PRKAG2: variants seen among roughly 807,000 people sequenced by gnomAD.
PRKAG2 encodes protein kinase AMP-activated non-catalytic subunit gamma 2.
A neutral mutation model predicts 69.6 loss-of-function variants in PRKAG2; 26 were observed. That is an observed-to-expected ratio of 0.37 (90% CI 0.27 to 0.52). The LOEUF is 0.52. PRKAG2 is among the 20% of genes least tolerant of loss of function. PRKAG2 has a pLI of 0.90. For missense variants in PRKAG2, 557 were observed against 740.0 expected, an observed-to-expected ratio of 0.75 and a Z score of 2.87; for synonymous variants, 293 against 285.0, an observed-to-expected ratio of 1.03 and a Z score of -0.28.
chr7:151,624,825 T>C (rs1012475937), intron 5 of PRKAG2, among the ~76,000 whole-genome samples: 2 of 152,160 alleles, frequency 1.3e-5, no homozygotes, highest in Non-Finnish European at 2.9e-5. Flanking sequence ...TAGCGCACCA[T>C]CAACATGGCA....
intron 3 of PRKAG2, among the ~76,000 whole-genome samples, chr7:151,690,216 G>T (rs540678611): frequency 6.6e-6 from 1 of 152,352 alleles, no homozygotes; most frequent in South Asian, 2.1e-4. Flanking sequence ...CATCCCGAGG[G>T]AGGTGGGAAA....
intron 5 of PRKAG2, among the ~76,000 whole-genome samples, chr7:151,621,693 C>T (rs1205615985): frequency 6.6e-6 from 1 of 152,128 alleles, no homozygotes; most frequent in Non-Finnish European, 1.5e-5. Flanking sequence ...CTATCTCAGC[C>T]TCCCAAGTAG....
chr7:151,607,749 G>A (rs79456594), intron 5 of PRKAG2, among the ~76,000 whole-genome samples: 1 of 152,112 alleles, frequency 6.6e-6, no homozygotes, highest in African/African-American at 2.4e-5. Context: ...TTTTGAGAAT[G>A]CGTTCCTCAT....
intron 1 of PRKAG2, among the ~76,000 whole-genome samples, chr7:151,853,630 G>A (rs921170780): frequency 2.0e-4 from 31 of 151,898 alleles, no homozygotes; most frequent in African/African-American, 7.3e-4. Flanking sequence ...CGTGGTGGCG[G>A]GTGCCTGTAG....
chr7:151,632,089 T>C lies in PRKAG2; in HGVS notation c.734A>G (p.Lys245Arg), dbSNP rs1056508937. ...LGPAEAGMLE[K>R]LEFEDEAVED... Reference sequence around the variant, plus strand: ...CTCACCTTCGTCCTCGAACTCCAGCTTCTCCAGCATGCCGGCTTCCGCGGG... The same window carrying C: ...CTCACCTTCGTCCTCGAACTCCAGCCTCTCCAGCATGCCGGCTTCCGCGGG... The change falls in exon 5 of 16, where the codon AAG becomes AGG. Residue 245 changes from lysine (K) to arginine (R), a missense_variant. Coordinates refer to ENST00000287878, the MANE Select transcript of PRKAG2 (RefSeq NM_016203.4). The surrounding 1 kb of genome is among the most constrained non-coding windows in gnomAD (Gnocchi z 4.2). The C allele has an allele frequency of 1.4e-6, 2 of 1,415,190 alleles. No homozygotes were observed. Among genetic ancestry groups the C allele is most frequent in the Non-Finnish European group, 1.9e-6 (2 of 1,070,430 alleles). The allele number at this position is 1,415,190 out of a possible 1,614,324, so 87.7% of individuals were successfully genotyped here.
In PRKAG2 at chr7:151,756,757, C is replaced by T. The variant is rs1472062396; in HGVS notation, c.466+24395G>A. Among the ~76,000 whole-genome samples the T allele has an allele frequency of 1.3e-5, 2 of 152,080 alleles. No homozygotes were observed. Among genetic ancestry groups the T allele is most frequent in the East Asian group, 3.9e-4 (2 of 5,188 alleles). On this transcript the variant is annotated intron_variant, in intron 3 of 15. Coordinates refer to ENST00000287878, the MANE Select transcript of PRKAG2 (RefSeq NM_016203.4). This position sits in a 1 kb window ranked among gnomAD's most constrained non-coding sequence, Gnocchi z 4.9. ...TTCCTTACTCATCGGTGGGTCGCTT[C>T]CCAAACTCTAGTCTGGCGTCTCAGC...
chr7:151,731,787 G>T (rs563775219), intron 3 of PRKAG2, among the ~76,000 whole-genome samples: 47 of 152,242 alleles, frequency 3.1e-4, no homozygotes, highest in African/African-American at 1.1e-3. Context: ...CAATGACAGG[G>T]ATTTCATGAC....
In PRKAG2 at chr7:151,836,860, A is replaced by C. The variant is rs1346606936; in HGVS notation, c.114+39647T>G. ...GCCACTGAGAATATTCAGTTCTTGG[A>C]TCATCCACAACAGCGGAAGCAGAAC... is the stretch of plus-strand genomic sequence containing the variant. On this transcript the variant is annotated intron_variant, in intron 1 of 15. Transcript: ENST00000287878. This position sits in a 1 kb window ranked among gnomAD's most constrained non-coding sequence, Gnocchi z 4.1. Among the ~76,000 whole-genome samples, 1 of 152,234 alleles carries C rather than the reference A, an allele frequency of 6.6e-6. No individual in the cohort carries two copies. The highest frequency in any genetic ancestry group is 1.5e-5 in the Non-Finnish European group (1 of 68,044).
chr7:151,779,729 T>C (rs1464376487), intron 3 of PRKAG2, among the ~76,000 whole-genome samples: 2 of 151,502 alleles, frequency 1.3e-5, no homozygotes, highest in African/African-American at 2.4e-5. Context: ...TTCCAGCACA[T>C]TCAATCTACA....
chr7:151,598,220 C>T (rs939430423), intron 5 of PRKAG2, among the ~76,000 whole-genome samples: 1 of 152,140 alleles, frequency 6.6e-6, no homozygotes, highest in Admixed American at 6.6e-5. Context: ...AAGACAAATA[C>T]CATCCCATTC....
intron 4 of PRKAG2, among the ~76,000 whole-genome samples, chr7:151,637,628 G>GT (rs1042830486): frequency 6.6e-6 from 1 of 151,828 alleles, no homozygotes; most frequent in African/African-American, 2.4e-5. Flanking sequence ...ATTTCTACAG[G>GT]TTTTTTACTT....
chr7:151,851,058 A>T (rs2079555984), intron 1 of PRKAG2, among the ~76,000 whole-genome samples: 1 of 152,020 alleles, frequency 6.6e-6, no homozygotes, highest in African/African-American at 2.4e-5. Context: ...GGCCCTCTTT[A>T]TCTGGGATCG....
chr7:151,728,330 C>G (rs1005638403), intron 3 of PRKAG2, among the ~76,000 whole-genome samples: 3 of 152,180 alleles, frequency 2.0e-5, no homozygotes, highest in Non-Finnish European at 4.4e-5. Flanking sequence ...ATCTTGCTCT[C>G]TGAATGTACC....
intron 1 of PRKAG2, among the ~76,000 whole-genome samples, chr7:151,861,156 C>T (rs1281863303): frequency 1.3e-5 from 2 of 152,132 alleles, no homozygotes; most frequent in Non-Finnish European, 2.9e-5. Context: ...AATAAGGAGA[C>T]CTATTGAACA....
intron 1 of PRKAG2, among the ~76,000 whole-genome samples, chr7:151,797,745 G>A (rs2077629700): frequency 6.6e-6 from 1 of 152,212 alleles, no homozygotes; most frequent in African/African-American, 2.4e-5. Context: ...GCAAGCCAGG[G>A]CTTCCCAAGC....
At position 151,822,682 on chromosome 7, in the gene PRKAG2, G is replaced by A. The variant is rs143022478; in HGVS notation, c.115-36141C>T. Among the ~76,000 whole-genome samples, 285 of 152,262 alleles carry A rather than the reference G, an allele frequency of 1.9e-3. 1 individual carries two copies. Among genetic ancestry groups the A allele is most frequent in the East Asian group, 0.014 (74 of 5,156 alleles). On this transcript the variant is annotated intron_variant, in intron 1 of 15. Transcript: ENST00000287878. ...GGTGCTGCTTCCAGTGGTGGCAGGT[G>A]GACAGCGTCTTCCCAAGCTCTGACA...
chr7:151,784,532 C>T (rs1039413902), intron 2 of PRKAG2, among the ~76,000 whole-genome samples: 51 of 152,282 alleles, frequency 3.3e-4, no homozygotes, highest in Admixed American at 2.7e-3. Context: ...TTCAGAGACG[C>T]AGTGACAGGG....
In PRKAG2 at chr7:151,638,105, G is replaced by C. The variant is rs1162673514; in HGVS notation, c.685-5967C>G. Among the ~76,000 whole-genome samples, 1 of 151,672 alleles carries C rather than the reference G, an allele frequency of 6.6e-6. No homozygotes were observed. Among genetic ancestry groups the C allele is most frequent in the Non-Finnish European group, 1.5e-5 (1 of 68,040 alleles). The stretch of plus-strand genomic sequence containing the variant: ...CCAAACCCTCCTGATAATCCAGACC[G>C]ATCTCCCCAGGGAGAACAAAATGGG... On this transcript the variant is annotated intron_variant, in intron 4 of 15. Transcript: ENST00000287878. This position sits in a 1 kb window ranked among gnomAD's most constrained non-coding sequence, Gnocchi z 4.3.
chr7:151,802,270 C>T (rs2077878085), intron 1 of PRKAG2, among the ~76,000 whole-genome samples: 1 of 152,182 alleles, frequency 6.6e-6, no homozygotes. Flanking sequence ...TAGAAGCCCC[C>T]TGGATCATGA....
Sources: allele counts gnomAD v4.1 joint callset (sites outside exome capture counted in the v4.1 genomes callset), GRCh38; gene constraint gnomAD v4.1.1; non-coding constraint Gnocchi (gnomAD v3.1); transcripts MANE v1.5; gene names NCBI Gene and HGNC (gene_info 2026-07-23, HGNC 2026-07-21).